C5orf22: variants seen among roughly 807,000 people sequenced by gnomAD.
C5orf22 encodes the protein UPF0489 protein C5orf22.
A neutral mutation model predicts 48.7 loss-of-function variants in C5orf22; 36 were observed. The observed-to-expected ratio is 0.74, with a 90% CI of 0.57 to 0.98. C5orf22 has a LOEUF of 0.98. C5orf22 is among the 50% of genes least tolerant of loss of function. The probability of loss-of-function intolerance (pLI) is 0.00; values close to 1 mark genes in which losing one functional copy is unlikely to be tolerated. For missense variants in C5orf22, 486 were observed against 521.9 expected (o/e 0.93, Z 0.67); for synonymous variants, 141 against 180.8 (o/e 0.78, Z 1.76).
At chr5:31,549,501 T>C (rs1233489874) in intron 7 of C5orf22, among the ~76,000 whole-genome samples, 1 of 152,166 alleles carries the variant, frequency 6.6e-6, no homozygotes, top group African/African-American at 2.4e-5. Context: ...TATATTCAAA[T>C]TGCCCTGAAT....
At chr5:31,542,838 G>A (rs545404539) in intron 6 of C5orf22, among the ~76,000 whole-genome samples, 11 of 152,264 alleles carry the variant, frequency 7.2e-5, no homozygotes, top group Admixed American at 2.6e-4. Flanking sequence ...AATCTCCCAC[G>A]AACTGTCATA....
chr5:31,543,705 T>C (rs541401617), intron 6 of C5orf22, among the ~76,000 whole-genome samples: 2 of 152,210 alleles, frequency 1.3e-5, no homozygotes, highest in East Asian at 3.9e-4. Context: ...TTCCTAGAAA[T>C]ACTGAAAAAT....
rs746313772 is a variant in C5orf22 at position 31,532,493 on chromosome 5, G to GC, written c.81+21dup. On this transcript the variant is annotated intron_variant, in intron 1 of 8. Transcript: ENST00000325366. ...CAGGAGGTGAGCGGACGGCAACAGG[G>GC]CTCTGGGGCAGAATCAGCGGAAGCC... The GC allele has an allele frequency of 4.9e-5, 78 of 1,604,870 alleles. No homozygotes were observed. Among genetic ancestry groups the GC allele is most frequent in the Non-Finnish European group, 6.3e-5 (74 of 1,173,282 alleles).
chr5:31,534,431 T>C lies in C5orf22; in HGVS notation c.227+14T>C. On this transcript the variant is annotated intron_variant, in intron 2 of 8. Coordinates refer to ENST00000325366, the MANE Select transcript of C5orf22 (RefSeq NM_018356.3). Reference sequence around the variant, plus strand: ...AACACTCTTTGGGTAATATGTGATTTTATTTATGGTCTTTTGTGTTTGAAG... The same window carrying C: ...AACACTCTTTGGGTAATATGTGATTCTATTTATGGTCTTTTGTGTTTGAAG... 1 of 1,594,752 alleles carries C rather than the reference T, an allele frequency of 6.3e-7. No homozygotes were observed. Among genetic ancestry groups the C allele is most frequent in the Non-Finnish European group, 8.5e-7 (1 of 1,172,734 alleles).
intron 1 of C5orf22, among the ~76,000 whole-genome samples, chr5:31,533,056 G>A (rs983144396): frequency 6.6e-6 from 1 of 152,122 alleles, no homozygotes; most frequent in Non-Finnish European, 1.5e-5. Context: ...CTGGGTTCGA[G>A]CGATTCTTCT....
At chr5:31,535,001 GC>G (rs2150070963) in intron 2 of C5orf22, 1 of 454,722 alleles carries the variant, frequency 2.2e-6, no homozygotes, top group Non-Finnish European at 4.4e-6. Flanking sequence ...TTAGTCCATT[GC>G]CATATGCTGT....
chr5:31,532,311 A>T lies in C5orf22; in HGVS notation c.-82A>T. On this transcript the variant is annotated 5_prime_UTR_variant, in exon 1 of 9. Coordinates refer to ENST00000325366, the MANE Select transcript of C5orf22 (RefSeq NM_018356.3). ...TGAGGGAGCGCTTCCGCCCGGAGAG[A>T]GCTGGCCGGGATGAGGCGCCGGCTT... 1 of 1,423,886 alleles carries T rather than the reference A, an allele frequency of 7.0e-7. No individual in the cohort carries two copies. Among genetic ancestry groups the T allele is most frequent in the Admixed American group, 1.7e-5 (1 of 59,382 alleles). 88.2% of individuals were successfully genotyped at this position (1,423,886 alleles called of 1,614,324 possible).
chr5:31,537,658 C>T lies in C5orf22; in HGVS notation c.378-602C>T, dbSNP rs1580438284. On this transcript the variant is annotated intron_variant, in intron 3 of 8. Coordinates refer to ENST00000325366, the MANE Select transcript of C5orf22 (RefSeq NM_018356.3). ...TGGTTATATAGAAATTAACAAAGCT[C>T]TAAAATATGTCAGGGGGAGTTTCTA... Among the ~76,000 whole-genome samples, 5 of 152,226 alleles carry T rather than the reference C, an allele frequency of 3.3e-5. 1 individual carries two copies. The highest frequency in any genetic ancestry group is 3.3e-4 in the Admixed American group (5 of 15,292).
intron 7 of C5orf22, among the ~76,000 whole-genome samples, chr5:31,549,612 A>G (rs1743123324): frequency 6.6e-6 from 1 of 152,224 alleles, no homozygotes; most frequent in Admixed American, 6.5e-5. Flanking sequence ...GCAGTGGCTC[A>G]TACCTGTAAT....
chr5:31,546,331 T>G (rs1346856609), intron 7 of C5orf22, among the ~76,000 whole-genome samples: 1 of 152,232 alleles, frequency 6.6e-6, no homozygotes, highest in Non-Finnish European at 1.5e-5. Context: ...TTTCTCAGAT[T>G]TGATGCCAGG....
intron 6 of C5orf22, 98 bp downstream of exon 6, chr5:31,541,500 A>ACTACTT: frequency 2.3e-6 from 3 of 1,333,330 alleles, no homozygotes; most frequent in Non-Finnish European, 3.1e-6. Context: ...AAAAAGTAGT[A>ACTACTT]TTCAGCTACT....
rs767184942 is a variant in C5orf22, at chr5:31,535,909, T to G, written c.377+16T>G. 2 of 1,608,746 alleles carry G rather than the reference T, an allele frequency of 1.2e-6. No homozygotes were observed. The highest frequency in any genetic ancestry group is 2.2e-5 in the South Asian group (2 of 89,458). On this transcript the variant is annotated intron_variant, in intron 3 of 8. Coordinates refer to ENST00000325366, the MANE Select transcript of C5orf22 (RefSeq NM_018356.3). ...CAACAATCAGGTAATTTCCTCATAT[T>G]TGTGAATATGGAAGTGATTGAATGT...
chr5:31,532,617 C>T (rs1287121744), intron 1 of C5orf22, 144 bp downstream of exon 1: 3 of 650,818 alleles, frequency 4.6e-6, no homozygotes, highest in Non-Finnish European at 7.8e-6. Flanking sequence ...GTGGAGAGGA[C>T]CCCAAAACAG....
rs1742459810 is a variant in C5orf22, at chr5:31,541,398, C to G, written c.988C>G (p.Pro330Ala). Residue 330 changes from proline (P) to alanine (A), a missense_variant, in exon 6 of 9, where the codon CCT becomes GCT. By Grantham distance (27) the Pro-to-Ala change is conservative. Transcript: ENST00000325366. ...EETVQRWASN[P>A]GMESLVPLVQ... ...AACGGTACAGAGATGGGCTTCAAACCCTGGGTAAGACTCTCAAACATTTTT... is the reference window on the plus strand; with the variant it reads ...AACGGTACAGAGATGGGCTTCAAACGCTGGGTAAGACTCTCAAACATTTTT... The G allele has an allele frequency of 6.2e-7, 1 of 1,613,110 alleles. No individual in the cohort carries two copies. Among genetic ancestry groups the G allele is most frequent in the Non-Finnish European group, 8.5e-7 (1 of 1,179,554 alleles).
At chr5:31,540,387 G>A (rs1004143281) in intron 4 of C5orf22, among the ~76,000 whole-genome samples, 2 of 152,150 alleles carry the variant, frequency 1.3e-5, no homozygotes, top group Admixed American at 6.5e-5. Flanking sequence ...TACAAAGTTT[G>A]TATAGCAAGC....
Position 31,554,658 on chromosome 5 carries a change from A to C in C5orf22, c.*1756A>C, listed in dbSNP as rs1027308323. ...AAATAAGTTAAAGGGTATGTTTTGAACTATAGCACTAATTAATGTGTGTGA... is the reference window on the plus strand; with the variant it reads ...AAATAAGTTAAAGGGTATGTTTTGACCTATAGCACTAATTAATGTGTGTGA... On this transcript the variant is annotated 3_prime_UTR_variant, in exon 9 of 9. Transcript: ENST00000325366. 1 of 152,188 alleles carries C rather than the reference A, an allele frequency of 6.6e-6. No individual in the cohort carries two copies. The highest frequency in any genetic ancestry group is 1.5e-5 in the Non-Finnish European group (1 of 68,024). 9.4% of individuals were successfully genotyped at this position (152,188 alleles called of 1,614,324 possible).
chr5:31,552,801 G>A lies in C5orf22; in HGVS notation c.1228G>A (p.Asp410Asn), dbSNP rs776084973. 3 of 1,613,446 alleles carry A rather than the reference G, an allele frequency of 1.9e-6. No homozygotes were observed. The highest frequency in any genetic ancestry group is 8.5e-7 in the Non-Finnish European group (1 of 1,179,654). The change falls in exon 9 of 9, where the codon GAC becomes AAC. Residue 410 changes from aspartate (D) to asparagine (N), a missense_variant. Coordinates refer to ENST00000325366, the MANE Select transcript of C5orf22 (RefSeq NM_018356.3). ...RSSLDDYCPS[D>N]QVDTIQEKVL... ...AAGTCTGGATGATTACTGTCCTTCTGACCAAGTTGACACTATTCAAGAAAA... is the reference window on the plus strand; with the variant it reads ...AAGTCTGGATGATTACTGTCCTTCTAACCAAGTTGACACTATTCAAGAAAA...
Position 31,538,641 on chromosome 5 carries a change from C to G in C5orf22, c.759C>G (p.Asp253Glu), listed in dbSNP as rs1354049613. 1.9e-6 allele frequency: 3 copies of G among 1,613,564 alleles called. No homozygotes were observed. The highest frequency in any genetic ancestry group is 2.2e-5 in the East Asian group (1 of 44,872). ...GGAAGGCATTTGTTTTAGATATTGA[C>G]TTGGATTTTTTTTCAGTCAAGAATC... ...KKGKAFVLDI[D>E]LDFFSVKNPF... The change falls in exon 4 of 9, where the codon GAC becomes GAG. Residue 253 changes from aspartate to glutamate, a missense_variant. Transcript: ENST00000325366.
chr5:31,536,168 A>G (rs1213487241), intron 3 of C5orf22, among the ~76,000 whole-genome samples: 4 of 152,228 alleles, frequency 2.6e-5, no homozygotes, highest in Admixed American at 2.6e-4. Context: ...TAAGCCATTG[A>G]AGTATCTTAT....
Sources: gnomAD v4.1 joint callset for allele counts (sites outside exome capture counted in the v4.1 genomes callset) on GRCh38, gnomAD v4.1.1 for gene constraint, MANE v1.5 for transcripts, NCBI Gene and HGNC (gene_info 2026-07-23, HGNC 2026-07-21) for gene names.